PCDH19: variants seen among roughly 807,000 people sequenced by gnomAD.
PCDH19 encodes the protein protocadherin 19.
In PCDH19, 6 loss-of-function variants were observed where a neutral mutation model predicts 46.2. The ratio of observed to expected loss-of-function variants is 0.13; its 90% CI spans 0.07 to 0.26. The LOEUF (loss-of-function observed/expected upper bound fraction) is 0.26, where lower values mean the gene tolerates loss of function less well. Among genes scored for constraint, PCDH19 ranks in the 10% least tolerant of loss-of-function variants. The pLI is 1.00. For missense variants in PCDH19, 740 were observed against 972.3 expected, an observed-to-expected ratio of 0.76 and a Z score of 3.18; for synonymous variants, 481 against 415.7, an observed-to-expected ratio of 1.16 and a Z score of -1.91.
chrX:100,358,683 C>T (rs1926790980), intron 3 of PCDH19, among the ~76,000 whole-genome samples: 2 of 112,092 alleles, frequency 1.8e-5, no homozygotes, highest in Non-Finnish European at 3.8e-5. Flanking sequence ...ATAAGGCCCT[C>T]GACCCTTTTC....
chrX:100,361,472 A>G (rs1310295698), intron 3 of PCDH19, among the ~76,000 whole-genome samples: 1 of 111,695 alleles, frequency 9.0e-6, no homozygotes, highest in Admixed American at 9.5e-5. Context: ...AAATTGAAGA[A>G]TTTTCCTTCC....
Position 100,407,388 on chromosome X carries a change from T to C in PCDH19, c.1210A>G (p.Thr404Ala), listed in dbSNP as rs746891808. 15 of 1,210,848 alleles carry C rather than the reference T, an allele frequency of 1.2e-5. No homozygotes were observed. Among genetic ancestry groups the C allele is most frequent in the Non-Finnish European group, 1.7e-5 (15 of 895,368 alleles). Residue 404 changes from threonine to alanine, a missense_variant, in exon 1 of 6, where the codon ACT becomes GCT. Coordinates refer to ENST00000373034, the MANE Select transcript of PCDH19 (RefSeq NM_001184880.2). ...FRLQEYESFSTILVDGRLDRE... is the reference protein window; with the variant it reads ...FRLQEYESFSAILVDGRLDRE... ...TCCAGCCGTCCGTCCACCAGAATAG[T>C]GGAGAAGCTCTCATATTCCTGCAGT...
At chrX:100,300,690 T>A (rs1924748007) in intron 5 of PCDH19, among the ~76,000 whole-genome samples, 1 of 111,303 alleles carries the variant, frequency 9.0e-6, no homozygotes, top group South Asian at 3.8e-4. Context: ...TCTGAAGTTG[T>A]CCCTAGGATT....
At chrX:100,405,562 T>TCC (rs376813599) in intron 1 of PCDH19, among the ~76,000 whole-genome samples, 1,879 of 57,942 alleles carry the variant, frequency 0.032, 25 homozygotes, top group African/African-American at 0.061. Flanking sequence ...TCTCTCTCCC[T>TCC]CCCCCCCCCA....
chrX:100,391,256 C>A (rs751787968), intron 3 of PCDH19, among the ~76,000 whole-genome samples: 2 of 111,534 alleles, frequency 1.8e-5, no homozygotes, highest in Admixed American at 1.9e-4. Flanking sequence ...TTGTGCTCTC[C>A]TGAAAGGTCT....
intron 3 of PCDH19, among the ~76,000 whole-genome samples, chrX:100,355,386 GGTTT>G (rs1443755239): frequency 9.0e-6 from 1 of 111,325 alleles, no homozygotes; most frequent in African/African-American, 3.3e-5. Flanking sequence ...AAACTGCTGT[GGTTT>G]TTTTCTTGTC....
At position 100,321,145 on chromosome X, in the gene PCDH19, T is replaced by G. The variant is rs924752821; in HGVS notation, c.2848+20758A>C. ...CCTTTTTATCACTGGTAGTATTCCA[T>G]CATATAAATATACCACAGCTTCTTT... is the stretch of plus-strand genomic sequence containing the variant. On this transcript the variant is annotated intron_variant, in intron 5 of 5. Coordinates refer to ENST00000373034, the MANE Select transcript of PCDH19 (RefSeq NM_001184880.2). Among the ~76,000 whole-genome samples the G allele has an allele frequency of 2.7e-5, 3 of 111,918 alleles. No individual in the cohort carries two copies. The Admixed American group carries it at 2.8e-4, about 11-fold the overall frequency.
chrX:100,336,030 T>C (rs773286336), intron 5 of PCDH19, among the ~76,000 whole-genome samples: 1 of 112,451 alleles, frequency 8.9e-6, no homozygotes, highest in Admixed American at 9.4e-5. Flanking sequence ...AAGATGCTAA[T>C]TCAGGTCCAG....
At chrX:100,371,878 A>C (rs866701934) in intron 3 of PCDH19, among the ~76,000 whole-genome samples, 1 of 88,337 alleles carries the variant, frequency 1.1e-5, no homozygotes, top group African/African-American at 5.6e-5. Context: ...ACACACACAC[A>C]CACACCCACA....
At chrX:100,314,251 A>G (rs908860820) in intron 5 of PCDH19, among the ~76,000 whole-genome samples, 1 of 111,782 alleles carries the variant, frequency 8.9e-6, no homozygotes, top group Non-Finnish European at 1.9e-5. Context: ...TGTACTGTTC[A>G]ACAGACTGAA....
intron 3 of PCDH19, among the ~76,000 whole-genome samples, chrX:100,361,976 G>A (rs1926896613): frequency 9.0e-6 from 1 of 111,435 alleles, no homozygotes; most frequent in Non-Finnish European, 1.9e-5. Context: ...AAATAATGAG[G>A]GGAACACCTC....
At chrX:100,357,726 T>C (rs1323475723) in intron 3 of PCDH19, among the ~76,000 whole-genome samples, 2 of 112,267 alleles carry the variant, frequency 1.8e-5, no homozygotes, top group East Asian at 5.6e-4. Flanking sequence ...CAGCACTTTG[T>C]ATACAGACTG....
chrX:100,395,059 T>C (rs1161234228), intron 3 of PCDH19, among the ~76,000 whole-genome samples: 1 of 109,786 alleles, frequency 9.1e-6, no homozygotes. Context: ...GGCTAATTTT[T>C]TGTATTTTTA....
chrX:100,396,070 C>G (rs1334689377), intron 3 of PCDH19, among the ~76,000 whole-genome samples: 2 of 111,379 alleles, frequency 1.8e-5, no homozygotes, highest in Non-Finnish European at 3.8e-5. Flanking sequence ...CTTGTAAAAA[C>G]GGCTTTATTT....
intron 5 of PCDH19, among the ~76,000 whole-genome samples, chrX:100,334,422 G>A (rs142415006): frequency 4.1e-3 from 461 of 111,969 alleles, no homozygotes; most frequent in Non-Finnish European, 5.8e-3. Context: ...GCAAATATAA[G>A]TTTAATTACT....
chrX:100,360,141 AC>A (rs1926840958), intron 3 of PCDH19, among the ~76,000 whole-genome samples: 1 of 110,936 alleles, frequency 9.0e-6, no homozygotes, highest in Non-Finnish European at 1.9e-5. Flanking sequence ...CCAAAACAAC[AC>A]CCCCAAATTC....
intron 5 of PCDH19, among the ~76,000 whole-genome samples, chrX:100,322,079 G>A (rs186556000): frequency 4.6e-4 from 51 of 110,646 alleles, no homozygotes; most frequent in African/African-American, 1.5e-3. Context: ...GTGAGCCACC[G>A]CGCCTGGCCT....
chrX:100,294,865 A>T lies in PCDH19; in HGVS notation c.*1412T>A, dbSNP rs1256125436. 31 of 112,630 alleles carry T rather than the reference A, an allele frequency of 2.8e-4. No homozygotes were observed. The highest frequency in any genetic ancestry group is 9.7e-4 in the African/African-American group (30 of 30,958). The allele number at this position is 112,630 out of a possible 1,213,427, so 9.3% of individuals were successfully genotyped here. On this transcript the variant is annotated 3_prime_UTR_variant, in exon 6 of 6. Coordinates refer to ENST00000373034, the MANE Select transcript of PCDH19 (RefSeq NM_001184880.2). ...AAAAGGATCTACAGTGTGTTAATTT[A>T]AAAAGGGTGTATTCCTAGCCTACAG...
At position 100,293,222 on chromosome X, in the gene PCDH19, C is replaced by T. The variant is rs747811968; in HGVS notation, c.*3055G>A. 1 of 111,737 alleles carries T rather than the reference C, an allele frequency of 8.9e-6. No homozygotes were observed. The highest frequency in any genetic ancestry group is 2.8e-4 in the East Asian group (1 of 3,554). The allele number at this position is 111,737 out of a possible 1,213,427, so 9.2% of individuals were successfully genotyped here. ...GATTAGAGATCAGTGGATCACTAAG[C>T]GAACAATTTTGTCTAAATGAACACC... On this transcript the variant is annotated 3_prime_UTR_variant, in exon 6 of 6. Transcript: ENST00000373034.
Sources: gnomAD v4.1 joint callset for allele counts (sites outside exome capture counted in the v4.1 genomes callset) on GRCh38, gnomAD v4.1.1 for gene constraint, MANE v1.5 for transcripts, NCBI Gene and HGNC (gene_info 2026-07-23, HGNC 2026-07-21) for gene names.